TBXAS1: variants seen among roughly 807,000 people sequenced by gnomAD.
The protein encoded by TBXAS1 is thromboxane A synthase 1.
A neutral mutation model predicts 60.7 loss-of-function variants in TBXAS1; 48 were observed. The ratio of observed to expected loss-of-function variants is 0.79; its 90% CI spans 0.63 to 1.01. TBXAS1 has a LOEUF of 1.01. TBXAS1 is among the 50% of genes least tolerant of loss of function. TBXAS1 has a pLI of 0.00. For missense variants in TBXAS1, 685 were observed against 686.3 expected, an observed-to-expected ratio of 1.00 and a Z score of 0.02; for synonymous variants, 287 against 269.7, an observed-to-expected ratio of 1.06 and a Z score of -0.63.
At chr7:139,939,396 C>CAAAAAAA (rs1808089484) in intron 5 of TBXAS1, among the ~76,000 whole-genome samples, 1 of 128,554 alleles carries the variant, frequency 7.8e-6, no homozygotes, top group Non-Finnish European at 1.6e-5. Flanking sequence ...AAAAAAAAAG[C>CAAAAAAA]CAAGAGGTAG....
intron 4 of TBXAS1, among the ~76,000 whole-genome samples, chr7:139,921,778 A>G (rs1316719647): frequency 6.6e-6 from 1 of 152,186 alleles, no homozygotes; most frequent in East Asian, 1.9e-4. Context: ...CAATAAACAT[A>G]TAGGTTTCCA....
intron 3 of TBXAS1, among the ~76,000 whole-genome samples, chr7:139,885,902 C>G (rs1422824463): frequency 6.6e-6 from 1 of 152,216 alleles, no homozygotes; most frequent in Non-Finnish European, 1.5e-5. Context: ...AAAAAAGTCA[C>G]ACACCACCGC....
rs368506589 is a variant in TBXAS1 at position 139,872,333 on chromosome 7, G to C, written c.183+5G>C. 6.2e-7 allele frequency: 1 copy of C among 1,613,344 alleles called. No homozygotes were observed. Among genetic ancestry groups the C allele is most frequent in the Non-Finnish European group, 8.5e-7 (1 of 1,179,460 alleles). The stretch of plus-strand genomic sequence containing the variant: ...AACTTGACATTTTTCCGCCAGGTAA[G>C]GGCTGTCTTCCATTGGCTTCCATCA... On this transcript the variant is annotated splice_donor_5th_base_variant and intron_variant, in intron 2 of 12. Coordinates refer to ENST00000448866, the MANE Select transcript of TBXAS1 (RefSeq NM_001061.7).
intron 4 of TBXAS1, among the ~76,000 whole-genome samples, chr7:139,794,257 T>C (rs536320596): frequency 3.3e-5 from 5 of 152,158 alleles, no homozygotes; most frequent in African/African-American, 1.2e-4. Context: ...TGCACCACCA[T>C]GCTGGCTAAT....
chr7:139,988,862 T>TGG (rs1245765382), intron 9 of TBXAS1, among the ~76,000 whole-genome samples: 3 of 152,166 alleles, frequency 2.0e-5, no homozygotes, highest in African/African-American at 7.2e-5. Context: ...GCATCCCGTG[T>TGG]GGCGGGAGCA....
At chr7:139,819,359 A>T (rs1167487815) in intron 4 of TBXAS1, among the ~76,000 whole-genome samples, 1 of 152,216 alleles carries the variant, frequency 6.6e-6, no homozygotes, top group Non-Finnish European at 1.5e-5. Context: ...GAGTCACTGC[A>T]TGGAAGGCTG....
At chr7:139,809,116 T>C (rs1057255516) in intron 4 of TBXAS1, among the ~76,000 whole-genome samples, 1 of 151,960 alleles carries the variant, frequency 6.6e-6, no homozygotes, top group Non-Finnish European at 1.5e-5. Context: ...AGTGTTGTAT[T>C]AGAGTTCTCC....
At chr7:139,803,463 T>G (rs1797769440) in intron 4 of TBXAS1, among the ~76,000 whole-genome samples, 1 of 152,102 alleles carries the variant, frequency 6.6e-6, no homozygotes, top group Non-Finnish European at 1.5e-5. Flanking sequence ...AGCCTGATGA[T>G]GCAATAGAAA....
chr7:139,854,031 A>G (rs1157360855), intron 1 of TBXAS1, among the ~76,000 whole-genome samples: 1 of 152,096 alleles, frequency 6.6e-6, no homozygotes, highest in Non-Finnish European at 1.5e-5. Flanking sequence ...GAGTGGATGC[A>G]TCAGCAGAGA....
intron 5 of TBXAS1, among the ~76,000 whole-genome samples, chr7:139,949,432 C>A (rs1251453881): frequency 2.6e-5 from 4 of 152,076 alleles, no homozygotes; most frequent in Non-Finnish European, 1.5e-5. Flanking sequence ...TCAGTTGTAC[C>A]ACTAAACTTA....
intron 9 of TBXAS1, among the ~76,000 whole-genome samples, chr7:139,974,927 AG>A (rs1450215523): frequency 2.6e-5 from 4 of 152,266 alleles, no homozygotes; most frequent in Non-Finnish European, 5.9e-5. Context: ...TGGATTAGTC[AG>A]GGATCTCCAG....
At chr7:139,834,851 C>A (rs1407180070) in intron 1 of TBXAS1, among the ~76,000 whole-genome samples, 1 of 151,958 alleles carries the variant, frequency 6.6e-6, no homozygotes, top group Admixed American at 6.6e-5. Flanking sequence ...AAAAAAAGTC[C>A]AGGACCATAA....
intron 11 of TBXAS1, among the ~76,000 whole-genome samples, chr7:140,016,138 C>T (rs1003484394): frequency 4.6e-5 from 7 of 152,026 alleles, no homozygotes; most frequent in African/African-American, 7.3e-5. Flanking sequence ...ACCATCCTGG[C>T]TAACACGGTG....
intron 1 of TBXAS1, among the ~76,000 whole-genome samples, chr7:139,841,392 T>C (rs1183632418): frequency 1.3e-5 from 2 of 152,102 alleles, no homozygotes; most frequent in Non-Finnish European, 2.9e-5. Context: ...ATTAGGAGTG[T>C]GAATAATGGA....
intron 9 of TBXAS1, among the ~76,000 whole-genome samples, chr7:139,986,251 C>T (rs1812450691): frequency 6.6e-6 from 1 of 152,100 alleles, no homozygotes; most frequent in African/African-American, 2.4e-5. Context: ...TAGGATTATC[C>T]CCATTTTCCT....
At chr7:139,839,690 A>C (rs1799299538) in intron 1 of TBXAS1, among the ~76,000 whole-genome samples, 1 of 151,506 alleles carries the variant, frequency 6.6e-6, no homozygotes, top group Admixed American at 6.6e-5. Context: ...AAAAAAAAAA[A>C]AAAAACAAAT....
chr7:139,825,029 C>T (rs953492019), upstream of TBXAS1, among the ~76,000 whole-genome samples: 1 of 151,828 alleles, frequency 6.6e-6, no homozygotes, highest in African/African-American at 2.4e-5. Flanking sequence ...AGGGTTTTGC[C>T]ATGTTGGTCA....
chr7:139,921,027 CTT>C (rs1462595735), intron 4 of TBXAS1, among the ~76,000 whole-genome samples: 2 of 152,180 alleles, frequency 1.3e-5, no homozygotes, highest in Non-Finnish European at 2.9e-5. Context: ...TGATTTTCGT[CTT>C]GTTAGTGTTC....
chr7:139,972,749 T>A (rs145975137), intron 9 of TBXAS1, among the ~76,000 whole-genome samples: 3 of 151,968 alleles, frequency 2.0e-5, no homozygotes, highest in Non-Finnish European at 4.4e-5. Context: ...AACACACCAC[T>A]CATTTTGGGA....
Sources: allele counts gnomAD v4.1 joint callset (sites outside exome capture counted in the v4.1 genomes callset), GRCh38; gene constraint gnomAD v4.1.1; transcripts MANE v1.5; gene names NCBI Gene and HGNC (gene_info 2026-07-23, HGNC 2026-07-21).